Variants in TRIM36 observed in about 807,000 individuals in gnomAD.
TRIM36 encodes E3 ubiquitin-protein ligase TRIM36.
Under a neutral mutation model 72.4 loss-of-function variants are expected in TRIM36, and 42 were observed. The observed-to-expected ratio is 0.58, with a 90% confidence interval of 0.45 to 0.75. The LOEUF is 0.75. Among genes scored for constraint, TRIM36 ranks in the 30% least tolerant of loss-of-function variants. The pLI, the probability that TRIM36 is intolerant of heterozygous loss-of-function variation, is 0.00. For missense variants in TRIM36, 913 were observed against 857.1 expected (o/e 1.07, Z -0.81); for synonymous variants, 315 against 282.8 (o/e 1.11, Z -1.14).
At chr5:115,177,404 G>T in intron 1 of TRIM36, 2 of 522,724 alleles carry the variant, frequency 3.8e-6, no homozygotes, top group Non-Finnish European at 5.1e-6. Flanking sequence ...GCGGAGGGCA[G>T]GCCAACTACA....
intron 2 of TRIM36, among the ~76,000 whole-genome samples, chr5:115,155,965 A>G (rs1042581371): frequency 1.3e-5 from 2 of 152,248 alleles, no homozygotes; most frequent in African/African-American, 4.8e-5. Flanking sequence ...GTTTCAGGAT[A>G]CAATACTAAT....
chr5:115,143,202 C>A (rs1753370176), intron 4 of TRIM36, among the ~76,000 whole-genome samples: 1 of 117,246 alleles, frequency 8.5e-6, no homozygotes, highest in Non-Finnish European at 1.6e-5. Context: ...GGAAAGAGTG[C>A]CTGTTCCCCA....
At chr5:115,130,925 T>C (rs376217182) in intron 8 of TRIM36, 36 bp from the exon 9 acceptor site, 37 of 1,573,542 alleles carry the variant, frequency 2.4e-5, no homozygotes, top group Non-Finnish European at 3.1e-5. Context: ...AGGCTAAAAA[T>C]TATCATTGCT....
At chr5:115,138,172 T>C (rs954825369) in intron 5 of TRIM36, among the ~76,000 whole-genome samples, 1 of 152,208 alleles carries the variant, frequency 6.6e-6, no homozygotes, top group Non-Finnish European at 1.5e-5. Flanking sequence ...CGATCTTGGC[T>C]CACTGTAACC....
chr5:115,177,834 G>A (rs144662198), intron 1 of TRIM36: 14 of 1,613,970 alleles, frequency 8.7e-6, no homozygotes, highest in Non-Finnish European at 1.2e-5. Context: ...AAGTCAACCG[G>A]GAATGCTCAT....
chr5:115,179,136 CA>C (rs1238702368), intron 1 of TRIM36, among the ~76,000 whole-genome samples: 6 of 152,242 alleles, frequency 3.9e-5, no homozygotes, highest in African/African-American at 1.4e-4. Flanking sequence ...TTCCGGAGGG[CA>C]GTGCACTGTG....
At chr5:115,142,711 C>A (rs1374213374) in intron 4 of TRIM36, among the ~76,000 whole-genome samples, 4 of 152,306 alleles carry the variant, frequency 2.6e-5, no homozygotes, top group Middle Eastern at 3.4e-3. Flanking sequence ...TCAGGATGTC[C>A]ATTTATTCAC....
chr5:115,151,112 T>A (rs938646708), intron 2 of TRIM36, among the ~76,000 whole-genome samples: 6 of 152,200 alleles, frequency 3.9e-5, no homozygotes. Flanking sequence ...CTTTTGCAGC[T>A]GGGAGGCGGG....
At chr5:115,170,706 G>A (rs1414760402), upstream of TRIM36, among the ~76,000 whole-genome samples, 1 of 152,256 alleles carries the variant, frequency 6.6e-6, no homozygotes, top group Admixed American at 6.5e-5. Flanking sequence ...CTGCAGGGTG[G>A]AGATTCCTCT....
chr5:115,164,032 A>G (rs1234514703), intron 1 of TRIM36, among the ~76,000 whole-genome samples: 1 of 152,230 alleles, frequency 6.6e-6, no homozygotes. Flanking sequence ...AAAATTATAA[A>G]GCCATCATTC....
At chr5:115,166,944 G>C (rs988603967) in intron 1 of TRIM36, among the ~76,000 whole-genome samples, 1 of 152,216 alleles carries the variant, frequency 6.6e-6, no homozygotes, top group Non-Finnish European at 1.5e-5. Flanking sequence ...ATGCCTGGCT[G>C]TGCACACTGT....
rs373299418 is a variant in TRIM36, at chr5:115,137,318, T to C, written c.1085+45A>G. The C allele has an allele frequency of 1.9e-6, 3 of 1,562,764 alleles. No homozygotes were observed. The East Asian group carries it at 6.7e-5, about 35-fold the overall frequency. ...AGTGAGAATACACAGCAGCATTTAA[T>C]AACATTGCTCAATAGGTTCTAAAGT... On this transcript the variant is annotated intron_variant, in intron 6 of 9. Coordinates refer to ENST00000513154, the MANE Select transcript of TRIM36 (RefSeq NM_001300759.2).
intron 2 of TRIM36, among the ~76,000 whole-genome samples, chr5:115,151,046 G>T (rs1753864410): frequency 6.6e-6 from 1 of 152,210 alleles, no homozygotes; most frequent in African/African-American, 2.4e-5. Context: ...CAACTTGGGG[G>T]AGGGTGTAAA....
Position 115,137,737 on chromosome 5 carries a change from T to C in TRIM36, c.832-121A>G, listed in dbSNP as rs537547476. The C allele has an allele frequency of 3.5e-6, 4 of 1,153,228 alleles. No individual in the cohort carries two copies. The African/African-American group carries it at 6.2e-5, about 18-fold the overall frequency. The allele number at this position is 1,153,228 out of a possible 1,614,324, so 71.4% of individuals were successfully genotyped here. On this transcript the variant is annotated intron_variant, in intron 5 of 9. Coordinates refer to ENST00000513154, the MANE Select transcript of TRIM36 (RefSeq NM_001300759.2). ...ACATTTCATCTATGTGATGACAGCATTATCAAAATTTGATAAAACCAACCT... is the reference window on the plus strand; with the variant it reads ...ACATTTCATCTATGTGATGACAGCACTATCAAAATTTGATAAAACCAACCT...
At chr5:115,179,901 A>G (rs573623770) in intron 1 of TRIM36, 2 of 1,448,798 alleles carry the variant, frequency 1.4e-6, no homozygotes, top group South Asian at 2.3e-5. Flanking sequence ...ATGGACACGG[A>G]CGCCCACAGT....
At chr5:115,151,441 A>G (rs1051500311) in intron 2 of TRIM36, among the ~76,000 whole-genome samples, 1 of 152,046 alleles carries the variant, frequency 6.6e-6, no homozygotes, top group South Asian at 2.1e-4. Flanking sequence ...GTCTTTCCCT[A>G]CCTACCCTGG....
upstream of TRIM36, chr5:115,170,016 G>C (rs1755022412): frequency 9.6e-7 from 1 of 1,045,376 alleles, no homozygotes; most frequent in Admixed American, 5.5e-5. Flanking sequence ...AAAAGAGGCG[G>C]GGCCGCCTGG....
intron 2 of TRIM36, chr5:115,149,010 T>C (rs189670212): frequency 4.1e-4 from 62 of 152,356 alleles, no homozygotes; most frequent in African/African-American, 1.5e-3. Flanking sequence ...GTTAATAGCA[T>C]GCTATATGGC....
Position 115,164,881 on chromosome 5 carries a change from C to T in TRIM36, c.28-1129G>A, listed in dbSNP as rs970203077. Among the ~76,000 whole-genome samples, 14 of 152,212 alleles carry T rather than the reference C, an allele frequency of 9.2e-5. No homozygotes were observed. In the East Asian group the frequency reaches 1.7e-3, roughly 19 times the overall value. Reference sequence around the variant, plus strand: ...TGGAGAATCAAAAGCAAGTTAGTTACTTCCAGGATACAATGGGTGTACAGG... The same window carrying T: ...TGGAGAATCAAAAGCAAGTTAGTTATTTCCAGGATACAATGGGTGTACAGG... On this transcript the variant is annotated intron_variant, in intron 1 of 9. Coordinates refer to ENST00000513154, the MANE Select transcript of TRIM36 (RefSeq NM_001300759.2).
Sources: allele counts gnomAD v4.1 joint callset (sites outside exome capture counted in the v4.1 genomes callset), GRCh38; gene constraint gnomAD v4.1.1; transcripts MANE v1.5; gene names NCBI Gene and HGNC (gene_info 2026-07-23, HGNC 2026-07-21).